Variants in ADAMTS18 observed in about 807,000 individuals in gnomAD.
The protein encoded by ADAMTS18 is ADAM metallopeptidase with thrombospondin type 1 motif 18.
A neutral mutation model predicts 165.9 loss-of-function variants in ADAMTS18; 157 were observed. That is an observed-to-expected ratio of 0.95 (90% CI 0.83 to 1.08). ADAMTS18 has a LOEUF of 1.08. Among genes scored for constraint, ADAMTS18 ranks in the 50% least tolerant of loss-of-function variants. The pLI is 0.00. For missense variants in ADAMTS18, 2,040 were observed against 1,534.0 expected (o/e 1.33, Z -5.51); for synonymous variants, 782 against 578.2 (o/e 1.35, Z -5.06).
intron 16 of ADAMTS18, 36 bp downstream of exon 16, chr16:77,319,810 CAAG>C: frequency 6.2e-7 from 1 of 1,613,484 alleles, no homozygotes; most frequent in African/African-American, 1.3e-5. Context: ...ATAAATGTAG[CAAG>C]AAGCACTGAG....
chr16:77,365,291 A>G (rs1251526009), intron 4 of ADAMTS18, among the ~76,000 whole-genome samples: 1 of 152,246 alleles, frequency 6.6e-6, no homozygotes, highest in African/African-American at 2.4e-5. Flanking sequence ...CAAAAACTGC[A>G]GAAATAGTGT....
intron 3 of ADAMTS18, among the ~76,000 whole-genome samples, chr16:77,395,004 G>A (rs773263590): frequency 2.0e-5 from 3 of 152,146 alleles, no homozygotes; most frequent in Admixed American, 1.3e-4. Context: ...GGCACATGAA[G>A]CTGCATTTGC....
intron 22 of ADAMTS18, among the ~76,000 whole-genome samples, chr16:77,284,471 C>T (rs150612563): frequency 0.011 from 1,607 of 152,162 alleles, 20 homozygotes; most frequent in South Asian, 0.048. Context: ...TAACATAGCA[C>T]CTTTTTCTTA....
At chr16:77,293,759 T>C (rs530387940) in intron 19 of ADAMTS18, among the ~76,000 whole-genome samples, 3 of 148,710 alleles carry the variant, frequency 2.0e-5, no homozygotes, top group Non-Finnish European at 4.4e-5. Context: ...ATAAGTAACA[T>C]GCATCCTAGA....
intron 10 of ADAMTS18, among the ~76,000 whole-genome samples, chr16:77,349,786 T>C (rs1201780167): frequency 6.6e-6 from 1 of 152,204 alleles, no homozygotes; most frequent in Non-Finnish European, 1.5e-5. Context: ...AGAAGAAATA[T>C]ACACCGATCC....
At chr16:77,398,263 G>A (rs1280485901) in intron 3 of ADAMTS18, among the ~76,000 whole-genome samples, 1 of 152,026 alleles carries the variant, frequency 6.6e-6, no homozygotes, top group Non-Finnish European at 1.5e-5. Flanking sequence ...GTTGCAGTGA[G>A]CCAAGATCAC....
At chr16:77,296,977 T>A (rs967179463) in intron 18 of ADAMTS18, among the ~76,000 whole-genome samples, 8 of 152,206 alleles carry the variant, frequency 5.3e-5, no homozygotes, top group South Asian at 2.1e-4. Flanking sequence ...CCATCTTTTT[T>A]AAAAAAATTT....
intron 17 of ADAMTS18, 128 bp from the exon 18 acceptor site, chr16:77,297,543 G>T (rs961582430): frequency 3.1e-6 from 3 of 959,894 alleles, no homozygotes; most frequent in Non-Finnish European, 4.8e-6. Flanking sequence ...ATATTTTGTG[G>T]AACGCTTCCT....
intron 1 of ADAMTS18, 26 bp from the exon 2 acceptor site, chr16:77,434,531 C>G (rs1334445291): frequency 6.5e-7 from 1 of 1,541,154 alleles, no homozygotes; most frequent in Admixed American, 2.0e-5. Flanking sequence ...TGACATCGCG[C>G]GTGAGGGGCG....
intron 16 of ADAMTS18, among the ~76,000 whole-genome samples, chr16:77,313,236 T>G (rs757994957): frequency 5.9e-5 from 9 of 151,964 alleles, no homozygotes; most frequent in African/African-American, 1.9e-4. Flanking sequence ...TAGGTGGGAA[T>G]TGAACAATGA....
At chr16:77,349,551 C>T (rs1209343774) in intron 10 of ADAMTS18, among the ~76,000 whole-genome samples, 2 of 118,502 alleles carry the variant, frequency 1.7e-5, no homozygotes, top group South Asian at 2.7e-4. Context: ...AAAAAAAAGC[C>T]GGTTCACTGA....
At chr16:77,412,621 GAGA>G (rs1280186449) in intron 3 of ADAMTS18, among the ~76,000 whole-genome samples, 17 of 152,200 alleles carry the variant, frequency 1.1e-4, no homozygotes, top group Admixed American at 1.1e-3. Context: ...CCACATGGCT[GAGA>G]AGGTCTCACA....
At chr16:77,285,927 C>G (rs781635084) in intron 22 of ADAMTS18, among the ~76,000 whole-genome samples, 1 of 152,192 alleles carries the variant, frequency 6.6e-6, no homozygotes, top group Non-Finnish European at 1.5e-5. Context: ...ACAACCTGCA[C>G]TCCTTTCACC....
chr16:77,364,378 G>C lies in ADAMTS18; in HGVS notation c.782C>G (p.Ala261Gly). The C allele has an allele frequency of 6.2e-7, 1 of 1,613,610 alleles. No homozygotes were observed. The highest frequency in any genetic ancestry group is 8.5e-7 in the Non-Finnish European group (1 of 1,179,902). The change falls in exon 5 of 23, where the codon GCT becomes GGT. Residue 261 changes from alanine to glycine, a missense_variant. Physicochemically the swap from Ala to Gly is moderately conservative, Grantham distance 60 (BLOSUM62 0). Transcript: ENST00000282849. Reference protein sequence around the residue: ...QHFCGRRKKYAPKPPTEDTYL... With the variant: ...QHFCGRRKKYGPKPPTEDTYL... ...GGTGTCCTCTGTGGGAGGCTTGGGA[G>C]CATCTACGATGAACAGAAGAGCATT...
chr16:77,321,911 T>A (rs1196439524), intron 14 of ADAMTS18, among the ~76,000 whole-genome samples: 1 of 151,838 alleles, frequency 6.6e-6, no homozygotes, highest in Non-Finnish European at 1.5e-5. Flanking sequence ...ATCCCAGCAC[T>A]TTGGGAGGCT....
At position 77,353,881 on chromosome 16, in the gene ADAMTS18, G is replaced by C. The variant is rs1179521145; in HGVS notation, c.1466C>G (p.Pro489Arg). ...CTCATCCACTAGACACCCCGCCTGAGGTGTGCTGTAATGACAATACATGCT... is the reference window on the plus strand; with the variant it reads ...CTCATCCACTAGACACCCCGCCTGACGTGTGCTGTAATGACAATACATGCT... ...RQYLKKFLST[P>R]QAGCLVDEPK... The change falls in exon 10 of 23, where the codon CCT (proline) becomes CGT (arginine). Residue 489 changes from proline (P) to arginine (R), a missense_variant. Coordinates refer to ENST00000282849, the MANE Select transcript of ADAMTS18 (RefSeq NM_199355.4). The C allele has an allele frequency of 1.2e-6, 2 of 1,613,970 alleles. No homozygotes were observed. Among genetic ancestry groups the C allele is most frequent in the Admixed American group, 1.7e-5 (1 of 59,982 alleles).
intron 3 of ADAMTS18, among the ~76,000 whole-genome samples, chr16:77,369,127 G>A (rs993449179): frequency 6.6e-6 from 1 of 152,138 alleles, no homozygotes; most frequent in African/African-American, 2.4e-5. Flanking sequence ...CAAACCTGCT[G>A]GATCAAAGTC....
At chr16:77,292,958 T>G in intron 20 of ADAMTS18, 118 bp downstream of exon 20, 1 of 1,278,396 alleles carries the variant, frequency 7.8e-7, no homozygotes, top group Non-Finnish European at 1.1e-6. Flanking sequence ...TAGATCAGAC[T>G]ACAGGCGCCT....
intron 3 of ADAMTS18, among the ~76,000 whole-genome samples, chr16:77,430,692 C>T (rs961420112): frequency 1.3e-5 from 2 of 152,178 alleles, no homozygotes; most frequent in Non-Finnish European, 2.9e-5. Context: ...ATGAGGATTA[C>T]ATAGGGAGGA....
Sources: allele counts gnomAD v4.1 joint callset (sites outside exome capture counted in the v4.1 genomes callset), GRCh38; gene constraint gnomAD v4.1.1; transcripts MANE v1.5; gene names NCBI Gene and HGNC (gene_info 2026-07-23, HGNC 2026-07-21).